Variants in KALRN observed in about 807,000 individuals in gnomAD.
KALRN encodes kalirin.
A neutral mutation model predicts 353.7 loss-of-function variants in KALRN; 70 were observed. The observed-to-expected ratio is 0.20, with a 90% CI of 0.16 to 0.24. The LOEUF (loss-of-function observed/expected upper bound fraction) is 0.24. Among genes scored for constraint, KALRN ranks in the 10% least tolerant of loss-of-function variants. The pLI is 1.00. For missense variants in KALRN, 2,791 were observed against 3,756.7 expected, an observed-to-expected ratio of 0.74 and a Z score of 6.72; for synonymous variants, 1,391 against 1,434.8, an observed-to-expected ratio of 0.97 and a Z score of 0.69.
chr3:124,620,830 C>T (rs1302935608), intron 34 of KALRN, among the ~76,000 whole-genome samples: 1 of 152,188 alleles, frequency 6.6e-6, no homozygotes, highest in Non-Finnish European at 1.5e-5. Flanking sequence ...CAGAGGATTA[C>T]ACAGGAGAAC....
chr3:124,181,904 C>T (rs555954397), intron 1 of KALRN, among the ~76,000 whole-genome samples: 1 of 152,254 alleles, frequency 6.6e-6, no homozygotes, highest in East Asian at 1.9e-4. Context: ...GTACAGGGTA[C>T]AGGGATCTTG....
chr3:124,179,041 A>G (rs1165827742), intron 1 of KALRN, among the ~76,000 whole-genome samples: 3 of 152,186 alleles, frequency 2.0e-5, no homozygotes, highest in African/African-American at 7.2e-5. Context: ...CAGGAGTTCA[A>G]GGCTACAGTG....
At chr3:124,196,955 A>C (rs542415205) in intron 1 of KALRN, among the ~76,000 whole-genome samples, 1 of 152,282 alleles carries the variant, frequency 6.6e-6, no homozygotes, top group East Asian at 1.9e-4. Context: ...AATTTAAGTA[A>C]TTTTCTAAAA....
chr3:124,464,933 T>C (rs574787540), intron 25 of KALRN, among the ~76,000 whole-genome samples: 3 of 150,014 alleles, frequency 2.0e-5, no homozygotes, highest in African/African-American at 4.9e-5. Context: ...TATCCCACCA[T>C]AGGGCCCAAT....
chr3:124,652,880 A>G (rs922365563), intron 38 of KALRN, among the ~76,000 whole-genome samples: 1 of 152,050 alleles, frequency 6.6e-6, no homozygotes, highest in South Asian at 2.1e-4. Context: ...CCCAGCCGCC[A>G]GTCACTACTC....
At chr3:124,048,268 T>A (rs1331233127) in intron 1 of KALRN, among the ~76,000 whole-genome samples, 1 of 152,176 alleles carries the variant, frequency 6.6e-6, no homozygotes, top group Non-Finnish European at 1.5e-5. Flanking sequence ...ATAAGATATA[T>A]GGTCAAAGTG....
chr3:124,536,858 CTG>C (rs2109256619), intron 33 of KALRN, among the ~76,000 whole-genome samples: 1 of 152,230 alleles, frequency 6.6e-6, no homozygotes. Context: ...ACACTTATTT[CTG>C]AAAGGACTTG....
intron 5 of KALRN, among the ~76,000 whole-genome samples, chr3:124,270,029 A>T (rs946370706): frequency 1.3e-5 from 2 of 152,210 alleles, no homozygotes; most frequent in African/African-American, 4.8e-5. Context: ...AAGATAAGAG[A>T]ATGTAAAAAA....
chr3:124,690,339 C>T (rs1194485036), intron 51 of KALRN, among the ~76,000 whole-genome samples: 1 of 152,050 alleles, frequency 6.6e-6, no homozygotes, highest in Non-Finnish European at 1.5e-5. Flanking sequence ...TCCTCCAGTT[C>T]GTACTCTGAT....
intron 28 of KALRN, among the ~76,000 whole-genome samples, chr3:124,484,980 C>T (rs936399318): frequency 6.6e-6 from 1 of 152,136 alleles, no homozygotes; most frequent in Non-Finnish European, 1.5e-5. Context: ...CCTGTAATCC[C>T]AGCTACTCAG....
At chr3:124,688,887 C>T (rs1462304919) in intron 51 of KALRN, among the ~76,000 whole-genome samples, 1 of 152,240 alleles carries the variant, frequency 6.6e-6, no homozygotes, top group Non-Finnish European at 1.5e-5. Context: ...ACTCTTTCCT[C>T]TTACCTGACT....
At chr3:124,682,603 G>A (rs575226342) in intron 51 of KALRN, among the ~76,000 whole-genome samples, 14 of 152,268 alleles carry the variant, frequency 9.2e-5, no homozygotes, top group African/African-American at 3.4e-4. Context: ...CTCAATAAGT[G>A]GACCAAATGG....
At chr3:124,391,673 T>G (rs2150022803) in intron 11 of KALRN, among the ~76,000 whole-genome samples, 1 of 152,368 alleles carries the variant, frequency 6.6e-6, no homozygotes, top group South Asian at 2.1e-4. Context: ...ACTCATGGTT[T>G]AGTAGCACCA....
At chr3:124,495,968 T>C (rs1364318769) in intron 32 of KALRN, among the ~76,000 whole-genome samples, 3 of 16,664 alleles carry the variant, frequency 1.8e-4, no homozygotes, top group Non-Finnish European at 3.2e-4. Context: ...TATGTATGTA[T>C]ATATATATAT....
chr3:124,539,561 A>C (rs568918394), intron 33 of KALRN, among the ~76,000 whole-genome samples: 2 of 152,348 alleles, frequency 1.3e-5, no homozygotes, highest in South Asian at 4.1e-4. Flanking sequence ...ACAGAGGGGA[A>C]TGCAGATACT....
intron 5 of KALRN, 136 bp downstream of exon 5, chr3:124,269,391 A>T (rs1580292287): frequency 1.1e-6 from 1 of 938,834 alleles, no homozygotes; most frequent in Admixed American, 2.9e-5. Flanking sequence ...AGCTAATGTA[A>T]TTTTTTTAAG....
chr3:124,214,954 G>A (rs1261239319), intron 1 of KALRN, among the ~76,000 whole-genome samples: 1 of 152,198 alleles, frequency 6.6e-6, no homozygotes, highest in Non-Finnish European at 1.5e-5. Flanking sequence ...ATCTCAGATG[G>A]TGGCCTCGCT....
chr3:124,703,309 A>C (rs1425064224), intron 57 of KALRN, among the ~76,000 whole-genome samples: 2 of 152,190 alleles, frequency 1.3e-5, no homozygotes, highest in Non-Finnish European at 2.9e-5. Flanking sequence ...GAAGAAAAAA[A>C]GCCAAGGAAA....
chr3:124,632,757 C>T (rs912502567), intron 35 of KALRN, 54 bp downstream of exon 35: 7 of 1,540,224 alleles, frequency 4.5e-6, no homozygotes, highest in Middle Eastern at 1.7e-4. Flanking sequence ...TGACATGTCT[C>T]CTTCCTCAGG....
Sources: gnomAD v4.1 joint callset for allele counts (sites outside exome capture counted in the v4.1 genomes callset) on GRCh38, gnomAD v4.1.1 for gene constraint, MANE v1.5 for transcripts, NCBI Gene and HGNC (gene_info 2026-07-23, HGNC 2026-07-21) for gene names.